Variants in PCDHGA9 observed in about 807,000 individuals in gnomAD.
PCDHGA9 encodes the protein protocadherin gamma-A9.
PCDHGA9 carries 37 observed loss-of-function variants against 62.5 expected under a neutral mutation model. The observed-to-expected ratio is 0.59, with a 90% confidence interval of 0.46 to 0.78. The LOEUF is 0.78. Ranked by LOEUF, PCDHGA9 falls within the 30% of genes least tolerant of loss-of-function variation. PCDHGA9 has a pLI of 0.00. For missense variants in PCDHGA9, 1,138 were observed against 1,166.2 expected (o/e 0.98, Z 0.35); for synonymous variants, 459 against 484.6 (o/e 0.95, Z 0.69).
At chr5:141,417,440 T>C (rs889107076) in intron 1 of PCDHGA9, 1 of 166,232 alleles carries the variant, frequency 6.0e-6, no homozygotes, top group African/African-American at 2.4e-5. Flanking sequence ...TAAAAAGATA[T>C]GATAGTTATG....
At chr5:141,413,460 C>T (rs1561742736) in intron 1 of PCDHGA9, 4 of 1,613,974 alleles carry the variant, frequency 2.5e-6, no homozygotes, top group Middle Eastern at 1.6e-4. Context: ...GCAGGATAGA[C>T]CGGGAGGAGC....
intron 1 of PCDHGA9, among the ~76,000 whole-genome samples, chr5:141,457,620 A>G (rs2098925834): frequency 6.6e-6 from 1 of 152,234 alleles, no homozygotes; most frequent in Admixed American, 6.5e-5. Flanking sequence ...ATGAACTTTA[A>G]TCTTATACTT....
chr5:141,407,651 G>A (rs1005294855), intron 1 of PCDHGA9, among the ~76,000 whole-genome samples: 1 of 151,926 alleles, frequency 6.6e-6, no homozygotes, highest in African/African-American at 2.4e-5. Flanking sequence ...AATAATGGGG[G>A]AGCGCAGTAT....
At chr5:141,456,057 C>T (rs2098842079) in intron 1 of PCDHGA9, among the ~76,000 whole-genome samples, 1 of 151,914 alleles carries the variant, frequency 6.6e-6, no homozygotes, top group South Asian at 2.1e-4. Context: ...ACCACCACGT[C>T]CGGCTAATTT....
chr5:141,487,857 T>A lies in PCDHGA9; in HGVS notation c.2425-6950T>A. Reference sequence around the variant, plus strand: ...TATCTGAGTAAGAAATGAAAGTAATTGGTGATCAAGAGCCAGGCTGTTGTG... The same window carrying A: ...TATCTGAGTAAGAAATGAAAGTAATAGGTGATCAAGAGCCAGGCTGTTGTG... On this transcript the variant is annotated intron_variant, in intron 1 of 3. Coordinates refer to ENST00000573521, the MANE Select transcript of PCDHGA9 (RefSeq NM_018921.3). The surrounding 1 kb of genome is among the most constrained non-coding windows in gnomAD (Gnocchi z 5.0). The A allele has an allele frequency of 1.0e-6, 1 of 964,674 alleles. No individual in the cohort carries two copies. Among genetic ancestry groups the A allele is most frequent in the Non-Finnish European group, 1.5e-6 (1 of 659,920 alleles). 59.8% of individuals were successfully genotyped at this position (964,674 alleles called of 1,614,324 possible). A position where few individuals can be genotyped will look rare whatever the true frequency, so the allele number is the denominator to read the frequency against.
chr5:141,432,753 C>G lies in PCDHGA9; in HGVS notation c.2424+27377C>G. ...ACTGTCACGCTCACCGTGGCCGTGGCCGACAGCATCCCCCAAGTCCTGGCG... is the reference window on the plus strand; with the variant it reads ...ACTGTCACGCTCACCGTGGCCGTGGGCGACAGCATCCCCCAAGTCCTGGCG... On this transcript the variant is annotated intron_variant, in intron 1 of 3. Coordinates refer to ENST00000573521, the MANE Select transcript of PCDHGA9 (RefSeq NM_018921.3). The surrounding 1 kb of genome is among the most constrained non-coding windows in gnomAD (Gnocchi z 6.0). 1 of 1,614,138 alleles carries G rather than the reference C, an allele frequency of 6.2e-7. No individual in the cohort carries two copies. The highest frequency in any genetic ancestry group is 8.5e-7 in the Non-Finnish European group (1 of 1,179,996).
In PCDHGA9 at chr5:141,431,930, C is replaced by A. The variant is rs761060241; in HGVS notation, c.2424+26554C>A. 236 of 1,613,932 alleles carry A rather than the reference C, an allele frequency of 1.5e-4. 1 individual carries two copies. The highest frequency in any genetic ancestry group is 1.4e-3 in the South Asian group (124 of 91,086). The stretch of plus-strand genomic sequence containing the variant: ...GATCTGTTTCATCCAAGGAAATCTG[C>A]CCTTTAAATTAGAAAAATCTTACGG... On this transcript the variant is annotated intron_variant, in intron 1 of 3. Transcript: ENST00000573521. This position sits in a 1 kb window ranked among gnomAD's most constrained non-coding sequence, Gnocchi z 4.8.
rs570379716 is a variant in PCDHGA9 at position 141,452,090 on chromosome 5, G to A, written c.2425-42717G>A. Among the ~76,000 whole-genome samples, 3 of 152,256 alleles carry A rather than the reference G, an allele frequency of 2.0e-5. No individual in the cohort carries two copies. The South Asian group carries it at 6.2e-4, about 32-fold the overall frequency. On this transcript the variant is annotated intron_variant, in intron 1 of 3. Coordinates refer to ENST00000573521, the MANE Select transcript of PCDHGA9 (RefSeq NM_018921.3). The stretch of plus-strand genomic sequence containing the variant: ...TTTATTAGTTGGCATTATACAGTAA[G>A]AAAGAGCTTTCTTTTCTCTTCTTAT...
At chr5:141,498,973 GA>G (rs1161965842) in intron 2 of PCDHGA9, among the ~76,000 whole-genome samples, 8 of 11,660 alleles carry the variant, frequency 6.9e-4, no homozygotes, top group Admixed American at 4.8e-3. Flanking sequence ...GGGAGGGAGG[GA>G]AGGAAGGAAG....
chr5:141,448,915 A>T (rs2098616551), intron 1 of PCDHGA9, among the ~76,000 whole-genome samples: 1 of 152,238 alleles, frequency 6.6e-6, no homozygotes. Context: ...ACTGCACTCC[A>T]GCCTGGGCGA....
chr5:141,485,106 T>A lies in PCDHGA9; in HGVS notation c.2425-9701T>A, dbSNP rs2099607051. 8.3e-7 allele frequency: 1 copy of A among 1,206,448 alleles called. No individual in the cohort carries two copies. Among genetic ancestry groups the A allele is most frequent in the Admixed American group, 1.8e-5 (1 of 55,050 alleles). 74.7% of individuals were successfully genotyped at this position (1,206,448 alleles called of 1,614,324 possible). On this transcript the variant is annotated intron_variant, in intron 1 of 3. Coordinates refer to ENST00000573521, the MANE Select transcript of PCDHGA9 (RefSeq NM_018921.3). The surrounding 1 kb of genome is among the most constrained non-coding windows in gnomAD (Gnocchi z 5.7). ...GGGAGATAGGTGTCTCCAGCTGCTG[T>A]GGCTGTTTGGGGCGGGTCGGCTTCA...
chr5:141,501,228 A>G (rs1054674676), intron 2 of PCDHGA9, among the ~76,000 whole-genome samples: 10 of 149,588 alleles, frequency 6.7e-5, no homozygotes, highest in African/African-American at 2.5e-4. Context: ...TAGATTTCTC[A>G]GTTTTTTGAG....
At chr5:141,479,862 C>T (rs2099508997) in intron 1 of PCDHGA9, among the ~76,000 whole-genome samples, 1 of 152,170 alleles carries the variant, frequency 6.6e-6, no homozygotes, top group Non-Finnish European at 1.5e-5. Flanking sequence ...GGCCTTTGCC[C>T]TGGAGAGAAC....
Position 141,431,625 on chromosome 5 carries a change from C to T in PCDHGA9, c.2424+26249C>T. The T allele has an allele frequency of 6.2e-7, 1 of 1,614,224 alleles. No individual in the cohort carries two copies. Among genetic ancestry groups the T allele is most frequent in the South Asian group, 1.1e-5 (1 of 91,082 alleles). On this transcript the variant is annotated intron_variant, in intron 1 of 3. Transcript: ENST00000573521. This position sits in a 1 kb window ranked among gnomAD's most constrained non-coding sequence, Gnocchi z 4.8. Reference sequence around the variant, plus strand: ...TTCCGGTATGTGGACGACAAGGCGGCCCAAGTTTTCAAACTAGATTGTAAT... The same window carrying T: ...TTCCGGTATGTGGACGACAAGGCGGTCCAAGTTTTCAAACTAGATTGTAAT...
intron 1 of PCDHGA9, among the ~76,000 whole-genome samples, chr5:141,451,072 C>A (rs2098705989): frequency 6.6e-6 from 1 of 152,026 alleles, no homozygotes; most frequent in African/African-American, 2.4e-5. Context: ...TTGTGATCCA[C>A]CCACCTTGAC....
intron 1 of PCDHGA9, chr5:141,478,730 G>A: frequency 6.5e-7 from 1 of 1,538,906 alleles, no homozygotes; most frequent in South Asian, 1.2e-5. Flanking sequence ...GCCAGAGTGT[G>A]GTTTGTGGTC....
In PCDHGA9 at chr5:141,415,072, G is replaced by A. The variant is rs558067255; in HGVS notation, c.2424+9696G>A. On this transcript the variant is annotated intron_variant, in intron 1 of 3. Coordinates refer to ENST00000573521, the MANE Select transcript of PCDHGA9 (RefSeq NM_018921.3). ...GGAGCACACGGGCGAGGTGCGCACG[G>A]CGCGAGCCCTGCTGGACAGAGACGC... 6.2e-5 allele frequency: 100 copies of A among 1,613,418 alleles called. No individual in the cohort carries two copies. The East Asian group carries it at 2.0e-3, about 32-fold the overall frequency.
chr5:141,469,296 A>T (rs2099196287), intron 1 of PCDHGA9, among the ~76,000 whole-genome samples: 1 of 149,742 alleles, frequency 6.7e-6, no homozygotes, highest in Non-Finnish European at 1.5e-5. Context: ...AACAAAATAG[A>T]CTGGGCACGA....
chr5:141,422,519 C>G, intron 1 of PCDHGA9: 1 of 1,613,968 alleles, frequency 6.2e-7, no homozygotes, highest in Non-Finnish European at 8.5e-7. Flanking sequence ...CAGGGAAGCC[C>G]GCCTTTGTCT....
Sources: allele counts gnomAD v4.1 joint callset (sites outside exome capture counted in the v4.1 genomes callset), GRCh38; gene constraint gnomAD v4.1.1; non-coding constraint Gnocchi (gnomAD v3.1); transcripts MANE v1.5; gene names NCBI Gene and HGNC (gene_info 2026-07-23, HGNC 2026-07-21).